Variants in AP4S1 observed in about 807,000 individuals in gnomAD.
AP4S1 encodes AP-4 complex subunit sigma-1.
Under a neutral mutation model 19.8 loss-of-function variants are expected in AP4S1, and 23 were observed. That is an observed-to-expected ratio of 1.16 (90% CI 0.84 to 1.65). The LOEUF is 1.65. AP4S1 is among the 40% of genes most tolerant of loss of function. The probability of loss-of-function intolerance (pLI) is 0.00; values close to 1 mark genes in which losing one functional copy is unlikely to be tolerated. For missense variants in AP4S1, 166 were observed against 172.8 expected, an observed-to-expected ratio of 0.96 and a Z score of 0.22; for synonymous variants, 46 against 54.1, an observed-to-expected ratio of 0.85 and a Z score of 0.66.
At chr14:31,049,909 A>C (rs531716046) in intron 1 of AP4S1, among the ~76,000 whole-genome samples, 4 of 149,470 alleles carry the variant, frequency 2.7e-5, no homozygotes, top group African/African-American at 5.0e-5. Context: ...TGCCCTCTTA[A>C]CTTTATTTAT....
intron 5 of AP4S1, chr14:31,083,321 G>T: frequency 5.0e-6 from 2 of 396,418 alleles, no homozygotes; most frequent in Non-Finnish European, 9.9e-6. Context: ...AATTACTTAG[G>T]CATATCCATC....
intron 1 of AP4S1, among the ~76,000 whole-genome samples, chr14:31,041,544 C>A (rs1335083034): frequency 6.6e-6 from 1 of 152,192 alleles, no homozygotes; most frequent in Non-Finnish European, 1.5e-5. Context: ...TGCAGTTTCT[C>A]CTTTGTAACA....
chr14:31,054,785 C>T (rs763171393), intron 1 of AP4S1, among the ~76,000 whole-genome samples: 5 of 144,994 alleles, frequency 3.4e-5, no homozygotes, highest in Non-Finnish European at 6.0e-5. Context: ...GGAGGATCAC[C>T]GGAGGCTGGG....
intron 1 of AP4S1, among the ~76,000 whole-genome samples, chr14:31,040,769 C>T (rs749049712): frequency 8.6e-5 from 13 of 151,850 alleles, no homozygotes; most frequent in African/African-American, 2.7e-4. Flanking sequence ...TCAAGATCTG[C>T]GAGCCACATG....
chr14:31,082,360 T>G (rs900455120), intron 5 of AP4S1, among the ~76,000 whole-genome samples: 5 of 152,216 alleles, frequency 3.3e-5, no homozygotes, highest in Non-Finnish European at 7.3e-5. Flanking sequence ...TTATTCAACA[T>G]GTAATATTCT....
In AP4S1 at chr14:31,072,970, A is replaced by G; in HGVS notation, c.291A>G (p.Arg97=). Residue 97 remains arginine, a synonymous_variant, in exon 4 of 6, where the codon CGA becomes CGG. Coordinates refer to ENST00000542754, the MANE Select transcript of AP4S1 (RefSeq NM_001128126.3). Reference sequence around the variant, plus strand: ...AAGTTTTAGATGAGTATTTCAGCCGAGTGGTAAGTCTAATGGCTAAAAAAT... The same window carrying G: ...AAGTTTTAGATGAGTATTTCAGCCGGGTGGTAAGTCTAATGGCTAAAAAAT... ...FVEVLDEYFS[R]VSELDIMFNL... The G allele has an allele frequency of 6.2e-7, 1 of 1,613,462 alleles. No homozygotes were observed. Among genetic ancestry groups the G allele is most frequent in the Non-Finnish European group, 8.5e-7 (1 of 1,179,460 alleles).
chr14:31,049,436 T>A (rs1333813769), intron 1 of AP4S1, among the ~76,000 whole-genome samples: 847 of 44,120 alleles, frequency 0.019, 9 homozygotes, highest in South Asian at 0.041. Flanking sequence ...AAAATATATA[T>A]ATATATATAT....
At chr14:31,027,820 G>C (rs1026958792) in intron 1 of AP4S1, among the ~76,000 whole-genome samples, 3 of 152,130 alleles carry the variant, frequency 2.0e-5, no homozygotes, top group Non-Finnish European at 4.4e-5. Context: ...AGAAGCATTT[G>C]TTTGAAAAAT....
chr14:31,036,737 T>G (rs1450316521), intron 1 of AP4S1, among the ~76,000 whole-genome samples: 1 of 152,204 alleles, frequency 6.6e-6, no homozygotes, highest in East Asian at 1.9e-4. Flanking sequence ...TCACACTCAC[T>G]TCTAGTGGGG....
chr14:31,028,596 T>TACACAC (rs112174443), intron 1 of AP4S1, among the ~76,000 whole-genome samples: 3,872 of 149,114 alleles, frequency 0.026, 83 homozygotes, highest in East Asian at 0.042. Flanking sequence ...TACACACACA[T>TACACAC]ACACACACAC....
At chr14:31,039,824 C>T (rs1417477622) in intron 1 of AP4S1, among the ~76,000 whole-genome samples, 1 of 149,208 alleles carries the variant, frequency 6.7e-6, no homozygotes, top group Non-Finnish European at 1.5e-5. Flanking sequence ...CTCCTGACCT[C>T]GTGATCCGCC....
At chr14:31,026,233 G>T in intron 1 of AP4S1, 1 of 1,376,654 alleles carries the variant, frequency 7.3e-7, no homozygotes, top group Middle Eastern at 2.6e-4. Context: ...CCGACAGCTG[G>T]GGGAAGGGCC....
intron 1 of AP4S1, among the ~76,000 whole-genome samples, chr14:31,053,647 GCTGGTCTTAAACTT>G (rs1221214572): frequency 8.6e-6 from 1 of 116,342 alleles, no homozygotes; most frequent in Non-Finnish European, 1.6e-5. Flanking sequence ...TGTTGCCCAG[GCTGGTCTTAAACTT>G]CTGGCCTCAA....
intron 1 of AP4S1, among the ~76,000 whole-genome samples, chr14:31,035,090 A>T (rs752231993): frequency 6.6e-6 from 1 of 151,890 alleles, no homozygotes; most frequent in Non-Finnish European, 1.5e-5. Flanking sequence ...TTATTTCATT[A>T]GTACATAGTT....
intron 5 of AP4S1, among the ~76,000 whole-genome samples, chr14:31,087,475 G>A (rs1174212816): frequency 6.6e-6 from 1 of 152,006 alleles, no homozygotes; most frequent in African/African-American, 2.4e-5. Context: ...TCCTGCCTTA[G>A]CCTCCTGAGT....
chr14:31,080,658 G>A lies in AP4S1; in HGVS notation c.306+74G>A. On this transcript the variant is annotated intron_variant, in intron 5 of 5. Coordinates refer to ENST00000542754, the MANE Select transcript of AP4S1 (RefSeq NM_001128126.3). The stretch of plus-strand genomic sequence containing the variant: ...GGTCCTTATCAGGTAAGTACCACAA[G>A]GCAGGAAAACTATTCAGCAGAGTCC... 1 of 1,605,000 alleles carries A rather than the reference G, an allele frequency of 6.2e-7. No homozygotes were observed. Among genetic ancestry groups the A allele is most frequent in the African/African-American group, 1.3e-5 (1 of 74,862 alleles).
chr14:31,038,435 A>T (rs999304304), intron 1 of AP4S1, among the ~76,000 whole-genome samples: 1 of 152,240 alleles, frequency 6.6e-6, no homozygotes, highest in Non-Finnish European at 1.5e-5. Context: ...TCCAGGGTCA[A>T]GATCTAAGCT....
At chr14:31,084,855 A>G in intron 5 of AP4S1, 2 of 1,614,222 alleles carry the variant, frequency 1.2e-6, no homozygotes, top group Non-Finnish European at 1.7e-6. Context: ...CATTCAAAGG[A>G]GCTGCCTCCA....
intron 4 of AP4S1, among the ~76,000 whole-genome samples, chr14:31,078,740 G>A (rs548557704): frequency 6.6e-6 from 1 of 152,072 alleles, no homozygotes; most frequent in Non-Finnish European, 1.5e-5. Flanking sequence ...CATAAACCAC[G>A]AAAGTAAAGA....
Sources: allele counts gnomAD v4.1 joint callset (sites outside exome capture counted in the v4.1 genomes callset), GRCh38; gene constraint gnomAD v4.1.1; transcripts MANE v1.5; gene names NCBI Gene and HGNC (gene_info 2026-07-23, HGNC 2026-07-21).